The following NTNG1 variants were observed in gnomAD, a reference collection of about 807,000 sequenced individuals.
The protein encoded by NTNG1 is netrin-G1.
A neutral mutation model predicts 54.0 loss-of-function variants in NTNG1; 16 were observed. That is an observed-to-expected ratio of 0.30 (90% CI 0.20 to 0.45). The LOEUF (loss-of-function observed/expected upper bound fraction) is 0.45, where lower values mean the gene tolerates loss of function less well. Among genes scored for constraint, NTNG1 ranks in the 20% least tolerant of loss-of-function variants. The probability of loss-of-function intolerance (pLI) is 1.00; values close to 1 mark genes in which losing one functional copy is unlikely to be tolerated. For synonymous variants in NTNG1, 255 were observed against 263.1 expected (o/e 0.97, Z 0.30); for missense variants, 530 against 678.7 (o/e 0.78, Z 2.43).
At chr1:107,239,383 T>A (rs1014239213) in intron 2 of NTNG1, among the ~76,000 whole-genome samples, 1 of 152,218 alleles carries the variant, frequency 6.6e-6, no homozygotes, top group Non-Finnish European at 1.5e-5. Flanking sequence ...TGGGACAGGT[T>A]TGACATCTCA....
At chr1:107,294,726 T>A (rs1325847318) in intron 2 of NTNG1, among the ~76,000 whole-genome samples, 1 of 152,312 alleles carries the variant, frequency 6.6e-6, no homozygotes. Context: ...AGCTTTGCTT[T>A]ACAGAGATTA....
At chr1:107,479,238 C>A (rs923222632) in intron 7 of NTNG1, among the ~76,000 whole-genome samples, 1 of 152,220 alleles carries the variant, frequency 6.6e-6, no homozygotes, top group African/African-American at 2.4e-5. Flanking sequence ...CCACCACCAT[C>A]TTTCCTAAGC....
chr1:107,318,419 G>C (rs1487410936), intron 2 of NTNG1, among the ~76,000 whole-genome samples: 2 of 150,464 alleles, frequency 1.3e-5, no homozygotes. Flanking sequence ...ATGCCAAAGA[G>C]AAGCTGTAAA....
intron 3 of NTNG1, among the ~76,000 whole-genome samples, chr1:107,393,006 A>T (rs984981039): frequency 6.6e-6 from 1 of 152,176 alleles, no homozygotes; most frequent in Non-Finnish European, 1.5e-5. Flanking sequence ...ATCTGAGAAA[A>T]AATAAGACTA....
At chr1:107,372,794 C>G (rs1336668003) in intron 3 of NTNG1, among the ~76,000 whole-genome samples, 3 of 152,014 alleles carry the variant, frequency 2.0e-5, no homozygotes, top group Non-Finnish European at 4.4e-5. Flanking sequence ...ATCAATTTTG[C>G]TTAATTCAAT....
intron 3 of NTNG1, among the ~76,000 whole-genome samples, chr1:107,360,764 G>A (rs146283414): frequency 2.6e-5 from 4 of 152,242 alleles, no homozygotes; most frequent in African/African-American, 9.6e-5. Context: ...GCTAAGCCCT[G>A]TTTAGGATGT....
intron 2 of NTNG1, among the ~76,000 whole-genome samples, chr1:107,248,124 C>G (rs1035571761): frequency 6.6e-6 from 1 of 152,114 alleles, no homozygotes; most frequent in Non-Finnish European, 1.5e-5. Context: ...ACTGTGTATA[C>G]TATTATTGTA....
At chr1:107,150,194 T>C (rs993742170) in intron 2 of NTNG1, among the ~76,000 whole-genome samples, 2 of 152,080 alleles carry the variant, frequency 1.3e-5, no homozygotes, top group South Asian at 4.1e-4. Flanking sequence ...ACTAAATATT[T>C]CAAAGAGAGG....
In NTNG1 at chr1:107,455,710, C is replaced by T. The variant is rs12077398; in HGVS notation, c.1390+18911C>T. On this transcript the variant is annotated intron_variant, in intron 7 of 7. Coordinates refer to ENST00000370068, the MANE Select transcript of NTNG1 (RefSeq NM_001113226.3). The stretch of plus-strand genomic sequence containing the variant: ...ACTGGAGAGCATGACAAGAACAATA[C>T]GCGGATGAGCCTTTTACTGTGGTAG... 4.9e-3 allele frequency: 2,002 copies of T among 405,304 alleles called. 28 individuals carry two copies. Among genetic ancestry groups the T allele is most frequent in the African/African-American group, 0.023 (1,169 of 49,758 alleles). 25.1% of individuals were successfully genotyped at this position (405,304 alleles called of 1,614,324 possible).
intron 3 of NTNG1, among the ~76,000 whole-genome samples, chr1:107,371,111 G>T (rs1454327818): frequency 6.6e-6 from 1 of 152,004 alleles, no homozygotes; most frequent in African/African-American, 2.4e-5. Flanking sequence ...ATAGGTGTTC[G>T]TTTATCATTC....
intron 7 of NTNG1, 28 bp from the exon 8 acceptor site, chr1:107,480,583 C>CCCCCCCAACAAA (rs2101618131): frequency 6.7e-6 from 5 of 744,750 alleles, no homozygotes; most frequent in Non-Finnish European, 9.1e-6. Flanking sequence ...CGCGCCCACC[C>CCCCCCCAACAAA]ACCCCTACCT....
intron 7 of NTNG1, among the ~76,000 whole-genome samples, chr1:107,460,723 A>G (rs937353654): frequency 3.3e-5 from 5 of 152,210 alleles, no homozygotes; most frequent in Admixed American, 6.5e-5. Flanking sequence ...TCCATCCATC[A>G]TGAGGAATGA....
At chr1:107,297,216 CATAT>C (rs755223720) in intron 2 of NTNG1, among the ~76,000 whole-genome samples, 14 of 15,504 alleles carry the variant, frequency 9.0e-4, no homozygotes, top group African/African-American at 2.2e-3. Context: ...TATATACCAT[CATAT>C]ATATATATAT....
At chr1:107,464,777 A>G (rs1431601059) in intron 7 of NTNG1, among the ~76,000 whole-genome samples, 1 of 152,178 alleles carries the variant, frequency 6.6e-6, no homozygotes, top group African/African-American at 2.4e-5. Context: ...TTTTTATGGG[A>G]AGTCCGTGAG....
chr1:107,407,881 A>T (rs1480081787), intron 5 of NTNG1, 173 bp downstream of exon 5: 2 of 754,838 alleles, frequency 2.6e-6, no homozygotes, highest in Non-Finnish European at 4.9e-6. Flanking sequence ...GAGAACACAG[A>T]TAAAGTGATT....
At chr1:107,267,990 A>G (rs931874651) in intron 2 of NTNG1, among the ~76,000 whole-genome samples, 2 of 152,114 alleles carry the variant, frequency 1.3e-5, no homozygotes, top group Non-Finnish European at 2.9e-5. Context: ...TCCAAGACCA[A>G]CCTTCCTTCA....
At chr1:107,459,158 A>G (rs1160429963) in intron 7 of NTNG1, among the ~76,000 whole-genome samples, 1 of 152,158 alleles carries the variant, frequency 6.6e-6, no homozygotes, top group African/African-American at 2.4e-5. Flanking sequence ...AAATTAGTTC[A>G]TTGCTTTTCC....
chr1:107,151,802 G>A (rs1182405528), intron 2 of NTNG1, among the ~76,000 whole-genome samples: 2 of 152,052 alleles, frequency 1.3e-5, no homozygotes, highest in Non-Finnish European at 2.9e-5. Context: ...AAAAGAAGGA[G>A]CATATGGATT....
In NTNG1 at chr1:107,479,680, A is replaced by C. The variant is rs28462974; in HGVS notation, c.1391-931A>C. Among the ~76,000 whole-genome samples the C allele has an allele frequency of 6.5e-3, 997 of 152,332 alleles. 4 individuals carry two copies. Among genetic ancestry groups the C allele is most frequent in the South Asian group, 0.027 (128 of 4,828 alleles). ...TAACATTCTGCTAAATCAGTGAAAC[A>C]GTGATTATCTAAAAGAATAGGAGAC... On this transcript the variant is annotated intron_variant, in intron 7 of 7. Coordinates refer to ENST00000370068, the MANE Select transcript of NTNG1 (RefSeq NM_001113226.3).
Sources: gnomAD v4.1 joint callset for allele counts (sites outside exome capture counted in the v4.1 genomes callset) on GRCh38, gnomAD v4.1.1 for gene constraint, MANE v1.5 for transcripts, NCBI Gene and HGNC (gene_info 2026-07-23, HGNC 2026-07-21) for gene names.